Variants in C5orf47 observed in about 807,000 individuals in gnomAD.
C5orf47 encodes chromosome 5 open reading frame 47.
A neutral mutation model predicts 20.6 loss-of-function variants in C5orf47; 20 were observed. That is an observed-to-expected ratio of 0.97 (90% CI 0.68 to 1.41). The LOEUF (loss-of-function observed/expected upper bound fraction) is 1.41, where lower values mean the gene tolerates loss of function less well. C5orf47 is among the 40% of genes most tolerant of loss of function. The pLI is 0.00. For missense variants in C5orf47, 262 were observed against 238.4 expected, an observed-to-expected ratio of 1.10 and a Z score of -0.65; for synonymous variants, 106 against 97.3, an observed-to-expected ratio of 1.09 and a Z score of -0.53.
intron 1 of C5orf47, among the ~76,000 whole-genome samples, chr5:173,990,291 T>G: frequency 6.8e-6 from 1 of 146,874 alleles, no homozygotes; most frequent in Non-Finnish European, 1.5e-5. Flanking sequence ...TTTTTTATCT[T>G]TTGTAGACAT....
downstream of C5orf47, among the ~76,000 whole-genome samples, chr5:174,007,453 A>G (rs2113380899): frequency 6.6e-6 from 1 of 152,186 alleles, no homozygotes; most frequent in South Asian, 2.1e-4. Flanking sequence ...GATGTGGCAG[A>G]TGCATTCTTT....
chr5:173,998,023 T>C (rs954755150), intron 1 of C5orf47, 130 bp from the exon 2 acceptor site: 2 of 603,370 alleles, frequency 3.3e-6, no homozygotes, highest in East Asian at 3.1e-5. Context: ...CAGTATTACC[T>C]GGTGATCAGA....
Position 173,989,316 on chromosome 5 carries a change from T to TGACG in C5orf47, c.54_57dup (p.Arg20AspfsTer99). ...CAGGACTCGGCGCGCTTCGTCTATG[T>TGACG]GACGCGCTTCGGCTCGCATCAGTGC... On this transcript the variant is annotated frameshift_variant, in exon 1 of 5. Transcript: ENST00000340147. LOFTEE classifies it high-confidence loss of function. 2 of 1,418,492 alleles carry TGACG rather than the reference T, an allele frequency of 1.4e-6. No individual in the cohort carries two copies. Among genetic ancestry groups the TGACG allele is most frequent in the Non-Finnish European group, 1.9e-6 (2 of 1,080,340 alleles). The allele number at this position is 1,418,492 out of a possible 1,614,324, so 87.9% of individuals were successfully genotyped here. A position where few individuals can be genotyped will look rare whatever the true frequency, so the allele number is the denominator to read the frequency against.
chr5:173,999,772 C>A lies in C5orf47; in HGVS notation c.484C>A (p.Leu162Met). ...AGAAAATGAAAAATATAGACACAGG[C>A]TGAAATGCCAAAGGTTATCTAGTGA... ...LEENEKYRHR[L>M]KCQRLSSESS... is the part of the protein sequence containing the mutation. Residue 162 changes from leucine (L) to methionine (M), a missense_variant, in exon 3 of 5, where the codon CTG (leucine) becomes ATG (methionine). By Grantham distance (15) the Leu-to-Met change is conservative. Transcript: ENST00000340147. 1 of 1,534,626 alleles carries A rather than the reference C, an allele frequency of 6.5e-7. No homozygotes were observed. The highest frequency in any genetic ancestry group is 8.8e-7 in the Non-Finnish European group (1 of 1,135,088).
chr5:174,008,241 TAGA>T (rs1198317634), downstream of C5orf47, among the ~76,000 whole-genome samples: 2 of 152,224 alleles, frequency 1.3e-5, no homozygotes, highest in East Asian at 3.8e-4. Flanking sequence ...TTTGTATTCC[TAGA>T]AGTAATATAT....
downstream of C5orf47, among the ~76,000 whole-genome samples, chr5:174,007,849 C>T (rs1302513910): frequency 6.6e-6 from 1 of 152,108 alleles, no homozygotes; most frequent in Non-Finnish European, 1.5e-5. Flanking sequence ...CATGAGCTAC[C>T]ACGCCCAGTC....
chr5:174,007,195 C>T (rs6866700), downstream of C5orf47, among the ~76,000 whole-genome samples: 21,374 of 151,894 alleles, frequency 0.14, 2,088 homozygotes, highest in African/African-American at 0.28. Context: ...GTTATCACAA[C>T]GAGGAAGGAC....
At chr5:173,998,068 C>A in intron 1 of C5orf47, 85 bp from the exon 2 acceptor site, 1 of 782,386 alleles carries the variant, frequency 1.3e-6, no homozygotes, top group Non-Finnish European at 2.1e-6. Flanking sequence ...CCCAAGGAGA[C>A]CTCAAGAAAC....
intron 1 of C5orf47, among the ~76,000 whole-genome samples, chr5:173,996,313 G>A (rs1291703980): frequency 6.6e-6 from 1 of 152,210 alleles, no homozygotes; most frequent in Admixed American, 6.5e-5. Flanking sequence ...ATACACTGGA[G>A]CTAGTCTCAG....
Position 173,989,611 on chromosome 5 carries a change from G to T in C5orf47, c.325+23G>T, listed in dbSNP as rs1758946140. On this transcript the variant is annotated intron_variant, in intron 1 of 4. Transcript: ENST00000340147. ...CAGGTGGTGCAGCGGGGCAGGGCGG[G>T]ACCGGGCGCGGCGGGGCGGGACGGG... 2.9e-6 allele frequency: 4 copies of T among 1,395,978 alleles called. No individual in the cohort carries two copies. The East Asian group carries it at 1.1e-4, about 40-fold the overall frequency. 86.5% of individuals were successfully genotyped at this position (1,395,978 alleles called of 1,614,324 possible).
At position 173,998,175 on chromosome 5, in the gene C5orf47, TA is replaced by T; in HGVS notation, c.353del (p.Lys118SerfsTer8). Reference protein sequence around the residue: ...RAGLIQKDAAKKYDFPIPLNE... With the variant: ...RAGLIQKDAAXKYDFPIPLNE... Reference sequence around the variant, plus strand: ...TAGGTTTAATCCAGAAGGATGCAGCTAAAAAGTATGATTTTCCCATACCATT... The same window carrying T: ...TAGGTTTAATCCAGAAGGATGCAGCTAAAAGTATGATTTTCCCATACCATT... On this transcript the variant is annotated frameshift_variant, in exon 2 of 5. Coordinates refer to ENST00000340147, the MANE Select transcript of C5orf47 (RefSeq NM_001144954.2). LOFTEE classifies it high-confidence loss of function. 1.3e-6 allele frequency: 2 copies of T among 1,542,722 alleles called. No individual in the cohort carries two copies. Among genetic ancestry groups the T allele is most frequent in the Admixed American group, 2.0e-5 (1 of 49,684 alleles).
At chr5:173,999,544 A>G (rs999344188) in intron 2 of C5orf47, among the ~76,000 whole-genome samples, 156 bp from the exon 3 acceptor site, 8 of 152,264 alleles carry the variant, frequency 5.3e-5, no homozygotes, top group Admixed American at 5.2e-4. Context: ...TGGGTAAACA[A>G]TTACACTTAG....
At chr5:173,994,582 G>A (rs1759055572) in intron 1 of C5orf47, among the ~76,000 whole-genome samples, 1 of 152,120 alleles carries the variant, frequency 6.6e-6, no homozygotes, top group African/African-American at 2.4e-5. Flanking sequence ...GAATGGACAG[G>A]ATCACATAGC....
At chr5:173,998,018 T>C in intron 1 of C5orf47, 135 bp from the exon 2 acceptor site, 2 of 594,800 alleles carry the variant, frequency 3.4e-6, no homozygotes, top group Non-Finnish European at 6.0e-6. Flanking sequence ...TAAACCAGTA[T>C]TACCTGGTGA....
chr5:174,002,142 T>C (rs1759210530), intron 4 of C5orf47, among the ~76,000 whole-genome samples: 1 of 151,702 alleles, frequency 6.6e-6, no homozygotes, highest in Non-Finnish European at 1.5e-5. Context: ...TTTTGTTTTG[T>C]ATAGGTGGGG....
chr5:173,991,457 A>G (rs2113357471), intron 1 of C5orf47, among the ~76,000 whole-genome samples: 1 of 151,306 alleles, frequency 6.6e-6, no homozygotes, highest in Non-Finnish European at 1.5e-5. Context: ...TAAGGATTAT[A>G]TATTTCAAAT....
chr5:173,999,265 C>G (rs1176546102), intron 2 of C5orf47, among the ~76,000 whole-genome samples: 2 of 152,026 alleles, frequency 1.3e-5, no homozygotes, highest in African/African-American at 4.8e-5. Context: ...AGTACTATTG[C>G]TTTGGTATGT....
At chr5:173,997,959 A>T (rs1167327703) in intron 1 of C5orf47, among the ~76,000 whole-genome samples, 194 bp from the exon 2 acceptor site, 1 of 152,110 alleles carries the variant, frequency 6.6e-6, no homozygotes, top group Non-Finnish European at 1.5e-5. Context: ...TACTTGCCAG[A>T]TTATGTCTAG....
At chr5:174,008,799 C>T (rs538955642), downstream of C5orf47, among the ~76,000 whole-genome samples, 1 of 145,198 alleles carries the variant, frequency 6.9e-6, no homozygotes, top group Non-Finnish European at 1.5e-5. Context: ...CGCCACTGCA[C>T]TCTAGCCTGG....
Sources: allele counts gnomAD v4.1 joint callset (sites outside exome capture counted in the v4.1 genomes callset), GRCh38; gene constraint gnomAD v4.1.1; transcripts MANE v1.5; gene names NCBI Gene and HGNC (gene_info 2026-07-23, HGNC 2026-07-21).